RETREG1: variants seen among roughly 807,000 people sequenced by gnomAD.
RETREG1 encodes the protein reticulophagy regulator 1.
RETREG1 carries 44 observed loss-of-function variants against 54.8 expected under a neutral mutation model. The observed-to-expected ratio is 0.80, with a 90% CI of 0.63 to 1.03. The LOEUF is 1.03. Among genes scored for constraint, RETREG1 ranks in the 50% least tolerant of loss-of-function variants. RETREG1 has a pLI of 0.00. For synonymous variants in RETREG1, 217 were observed against 238.5 expected (o/e 0.91, Z 0.83); for missense variants, 554 against 605.1 (o/e 0.92, Z 0.89).
chr5:16,509,051 T>C, intron 3 of RETREG1: 1 of 993,250 alleles, frequency 1.0e-6, no homozygotes, highest in African/African-American at 1.8e-5. Context: ...TTTTTTTTTT[T>C]TTTCTGGCAT....
At chr5:16,525,300 T>C (rs1740677762) in intron 3 of RETREG1, among the ~76,000 whole-genome samples, 1 of 88,722 alleles carries the variant, frequency 1.1e-5, no homozygotes, top group South Asian at 5.1e-4. Context: ...TGTGCTGATT[T>C]GCGTCCTCCA....
intron 3 of RETREG1, among the ~76,000 whole-genome samples, chr5:16,510,023 A>T (rs1740117688): frequency 2.0e-5 from 3 of 152,138 alleles, no homozygotes; most frequent in Non-Finnish European, 4.4e-5. Context: ...AATAAATTTT[A>T]AAAATAAAAA....
At chr5:16,507,030 T>C (rs545207785) in intron 3 of RETREG1, among the ~76,000 whole-genome samples, 4 of 152,232 alleles carry the variant, frequency 2.6e-5, no homozygotes, top group Non-Finnish European at 5.9e-5. Context: ...TTACGCCTTG[T>C]TAACCAGTAA....
At chr5:16,527,383 C>T (rs1740746034) in intron 3 of RETREG1, among the ~76,000 whole-genome samples, 1 of 152,196 alleles carries the variant, frequency 6.6e-6, no homozygotes, top group African/African-American at 2.4e-5. Context: ...AGTTTTCCTT[C>T]ACTTTACCTA....
chr5:16,503,153 G>A (rs916042657), intron 3 of RETREG1, among the ~76,000 whole-genome samples: 1 of 152,156 alleles, frequency 6.6e-6, no homozygotes, highest in Non-Finnish European at 1.5e-5. Flanking sequence ...GCACTGAAAA[G>A]GTTTAGGAAG....
chr5:16,483,264 G>T, intron 4 of RETREG1, 82 bp downstream of exon 4: 1 of 1,484,520 alleles, frequency 6.7e-7, no homozygotes, highest in Non-Finnish European at 9.4e-7. Context: ...GGAGAAATCT[G>T]ACAAGCTGAT....
intron 2 of RETREG1, among the ~76,000 whole-genome samples, chr5:16,569,008 A>G (rs887950581): frequency 7.9e-5 from 12 of 152,190 alleles, no homozygotes; most frequent in African/African-American, 2.9e-4. Flanking sequence ...GCATCTAACA[A>G]GAGCAGCTGG....
At chr5:16,569,608 A>T (rs1742117762) in intron 2 of RETREG1, among the ~76,000 whole-genome samples, 2 of 152,194 alleles carry the variant, frequency 1.3e-5, no homozygotes, top group African/African-American at 4.8e-5. Context: ...CCTCTTATAA[A>T]GCCCTGTGGT....
intron 1 of RETREG1, among the ~76,000 whole-genome samples, chr5:16,606,264 G>A (rs1222438339): frequency 6.6e-6 from 1 of 152,240 alleles, no homozygotes; most frequent in East Asian, 1.9e-4. Flanking sequence ...GGCTGCTCCA[G>A]AACAACCCTC....
At chr5:16,480,098 G>A (rs555384630) in intron 5 of RETREG1, among the ~76,000 whole-genome samples, 1 of 152,074 alleles carries the variant, frequency 6.6e-6, no homozygotes, top group East Asian at 1.9e-4. Context: ...TAGACATGAA[G>A]TTTTCTCATG....
In RETREG1 at chr5:16,474,707, G is replaced by GTTTTT; in HGVS notation, c.*29_*33dup. 7.3e-7 allele frequency: 1 copy of GTTTTT among 1,372,064 alleles called. No individual in the cohort carries two copies. Among genetic ancestry groups the GTTTTT allele is most frequent in the Non-Finnish European group, 9.6e-7 (1 of 1,045,986 alleles). 85.0% of individuals were successfully genotyped at this position (1,372,064 alleles called of 1,614,324 possible). A position where few individuals can be genotyped will look rare whatever the true frequency, so the allele number is the denominator to read the frequency against. On this transcript the variant is annotated 3_prime_UTR_variant, in exon 9 of 9. Coordinates refer to ENST00000306320, the MANE Select transcript of RETREG1 (RefSeq NM_001034850.3). Reference sequence around the variant, plus strand: ...TTTTCTTGTTTGAAATTTTTTTGGTGTTTTTTGTGCTCTGTTGCAAGCTGA... The same window carrying GTTTTT: ...TTTTCTTGTTTGAAATTTTTTTGGTGTTTTTTTTTTTGTGCTCTGTTGCAAGCTGA...
intron 1 of RETREG1, among the ~76,000 whole-genome samples, 177 bp from the exon 2 acceptor site, chr5:16,572,279 C>G (rs541125445): frequency 6.6e-6 from 1 of 151,340 alleles, no homozygotes; most frequent in African/African-American, 2.4e-5. Context: ...GTGGCACTAC[C>G]TCGGCTCACT....
intron 1 of RETREG1, among the ~76,000 whole-genome samples, chr5:16,573,999 G>C (rs193271347): frequency 1.3e-5 from 2 of 152,178 alleles, no homozygotes; most frequent in African/African-American, 2.4e-5. Flanking sequence ...CGCCGGCCTT[G>C]GCCTCCCAAA....
chr5:16,479,381 C>A lies in RETREG1; in HGVS notation c.671-394G>T, dbSNP rs921700074. Among the ~76,000 whole-genome samples the A allele has an allele frequency of 3.9e-5, 6 of 152,122 alleles. No homozygotes were observed. The East Asian group carries it at 1.2e-3, about 29-fold the overall frequency. On this transcript the variant is annotated intron_variant, in intron 5 of 8. Coordinates refer to ENST00000306320, the MANE Select transcript of RETREG1 (RefSeq NM_001034850.3). ...TCAAAATTTATAGAAAAATTACATG[C>A]CTTCCAGACAACAGTCCTGGTTTAA...
Position 16,572,102 on chromosome 5 carries a change from C to G in RETREG1, c.321G>C (p.Trp107Cys), listed in dbSNP as rs200065908. The change falls in exon 2 of 9, where the codon TGG (tryptophan) becomes TGC (cysteine). Residue 107 changes from tryptophan to cysteine, a missense_variant and splice_region_variant. Trp to Cys is a radical substitution (Grantham distance 215). Around this residue, in one of 4 missense-constraint regions of RETREG1, gnomAD observed 347 missense variants for 412.3 expected, o/e 0.84. Coordinates refer to ENST00000306320, the MANE Select transcript of RETREG1 (RefSeq NM_001034850.3). ...CTCTCCATGGAGTCAATGCAAGGAA[C>G]CTGCAACAGCGAAACACAAATCAGT... is the stretch of plus-strand genomic sequence containing the variant. ...LGFVAANLLF[W>C]FLALTPWRVY... 6 of 1,603,190 alleles carry G rather than the reference C, an allele frequency of 3.7e-6. No individual in the cohort carries two copies. Among genetic ancestry groups the G allele is most frequent in the Middle Eastern group, 3.3e-4 (2 of 6,046 alleles).
chr5:16,482,664 G>A (rs1186512690), intron 4 of RETREG1, among the ~76,000 whole-genome samples: 1 of 151,994 alleles, frequency 6.6e-6, no homozygotes, highest in Non-Finnish European at 1.5e-5. Flanking sequence ...GAGCTTGAAA[G>A]CAACACTGGA....
chr5:16,518,640 G>A (rs1364633150), intron 3 of RETREG1, among the ~76,000 whole-genome samples: 1 of 152,176 alleles, frequency 6.6e-6, no homozygotes, highest in Non-Finnish European at 1.5e-5. Flanking sequence ...TGTCCCTACA[G>A]GAAAGAAATA....
In RETREG1 at chr5:16,539,519, C is replaced by T. The variant is rs182215969; in HGVS notation, c.458+26244G>A. ...CAGGAGACAAGGAAAGGTCAAAATACAGCCGCTGATCCCAACTTGCCCAGC... is the reference window on the plus strand; with the variant it reads ...CAGGAGACAAGGAAAGGTCAAAATATAGCCGCTGATCCCAACTTGCCCAGC... On this transcript the variant is annotated intron_variant, in intron 3 of 8. Coordinates refer to ENST00000306320, the MANE Select transcript of RETREG1 (RefSeq NM_001034850.3). Among the ~76,000 whole-genome samples, 118 of 152,288 alleles carry T rather than the reference C, an allele frequency of 7.7e-4. No homozygotes were observed. The East Asian group carries it at 0.021, about 28-fold the overall frequency.
At position 16,615,412 on chromosome 5, in the gene RETREG1, A is replaced by AAAAG. The variant is rs1236749186; in HGVS notation, c.320+1236_320+1239dup. Among the ~76,000 whole-genome samples, 844 of 150,122 alleles carry AAAAG rather than the reference A, an allele frequency of 5.6e-3. 17 individuals are homozygous for AAAAG. The highest frequency in any genetic ancestry group is 0.019 in the African/African-American group (782 of 40,158). On this transcript the variant is annotated intron_variant, in intron 1 of 8. Coordinates refer to ENST00000306320, the MANE Select transcript of RETREG1 (RefSeq NM_001034850.3). ...GAGACTCCATCTCAAAAAAAAAAAA[A>AAAAG]AAAGAAAGAAAGAAAGAAAAGAAAA...
Sources: gnomAD v4.1 joint callset for allele counts (sites outside exome capture counted in the v4.1 genomes callset) on GRCh38, gnomAD v4.1.1 for gene constraint, gnomAD v4.1.1 regional missense constraint, MANE v1.5 for transcripts, NCBI Gene and HGNC (gene_info 2026-07-23, HGNC 2026-07-21) for gene names.